CNR2: variants seen among roughly 807,000 people sequenced by gnomAD.
CNR2 encodes cannabinoid receptor 2 (macrophage).
For missense variants in CNR2, 379 were observed against 439.9 expected (o/e 0.86, Z 1.24); for synonymous variants, 172 against 182.2 (o/e 0.94, Z 0.45).
chr1:23,909,136 C>CCCT (rs1248641911), intron 1 of CNR2, among the ~76,000 whole-genome samples: 1 of 152,058 alleles, frequency 6.6e-6, no homozygotes, highest in East Asian at 1.9e-4. Flanking sequence ...AGCCTTCACT[C>CCCT]CCTCGCCTGC....
At chr1:23,900,389 G>A (rs115440671) in intron 1 of CNR2, among the ~76,000 whole-genome samples, 1,639 of 152,144 alleles carry the variant, frequency 0.011, 41 homozygotes, top group African/African-American at 0.038. Context: ...CAATTCTCCT[G>A]TCTTGATGAA....
chr1:23,906,269 C>T (rs558624568), intron 1 of CNR2, among the ~76,000 whole-genome samples: 3 of 152,138 alleles, frequency 2.0e-5, no homozygotes, highest in Admixed American at 6.6e-5. Flanking sequence ...GTGCAAATTA[C>T]GTCGTCTCCT....
chr1:23,884,068 T>G (rs980805114), intron 1 of CNR2, among the ~76,000 whole-genome samples: 1 of 106,512 alleles, frequency 9.4e-6, no homozygotes, highest in African/African-American at 3.5e-5. Context: ...TATAGACATC[T>G]TTATGTCTTT....
At chr1:23,901,611 T>G in intron 1 of CNR2, 1 of 1,603,558 alleles carries the variant, frequency 6.2e-7, no homozygotes, top group South Asian at 1.1e-5. Context: ...TAGCTGAGGT[T>G]GCTGCCGTCC....
intron 1 of CNR2, among the ~76,000 whole-genome samples, chr1:23,876,610 C>A (rs911691672): frequency 6.6e-6 from 1 of 151,634 alleles, no homozygotes; most frequent in African/African-American, 2.4e-5. Context: ...CTAAGGAAGG[C>A]GGATCATGAG....
chr1:23,899,243 C>T (rs959367818), intron 1 of CNR2, among the ~76,000 whole-genome samples: 1 of 152,090 alleles, frequency 6.6e-6, no homozygotes, highest in Non-Finnish European at 1.5e-5. Context: ...AATTCAGACT[C>T]ATATATCTGG....
intron 1 of CNR2, chr1:23,901,485 T>C (rs779006035): frequency 4.5e-6 from 7 of 1,563,136 alleles, no homozygotes; most frequent in Non-Finnish European, 6.1e-6. Flanking sequence ...GCATAGAAGA[T>C]GAGCTCAGGG....
At chr1:23,898,614 T>TA (rs35143021) in intron 1 of CNR2, among the ~76,000 whole-genome samples, 122,898 of 125,222 alleles carry the variant, frequency 0.98, 60,381 homozygotes, top group East Asian at 1. Context: ...GTGCTGGGAT[T>TA]CAGGCTTGAG....
In CNR2 at chr1:23,871,154, C is replaced by CAAAAAAAAAAAAAA. The variant is rs34781596; in HGVS notation, c.*3367_*3380dup. On this transcript the variant is annotated 3_prime_UTR_variant, in exon 2 of 2. Coordinates refer to ENST00000374472, the MANE Select transcript of CNR2 (RefSeq NM_001841.3). Reference sequence around the variant, plus strand: ...TGGGTGACAGAGTGAGATTCTATGTCAAAAAAAAAAAAAAAAAAAAAAAAA... The same window carrying CAAAAAAAAAAAAAA: ...TGGGTGACAGAGTGAGATTCTATGTCAAAAAAAAAAAAAAAAAAAAAAAAAAAAAAAAAAAAAAA... 2 of 58,770 alleles carry CAAAAAAAAAAAAAA rather than the reference C, an allele frequency of 3.4e-5. No individual in the cohort carries two copies. The highest frequency in any genetic ancestry group is 6.8e-5 in the African/African-American group (1 of 14,670). The allele number at this position is 58,770 out of a possible 1,614,324, so 3.6% of individuals were successfully genotyped here. A position where few individuals can be genotyped will look rare whatever the true frequency, so the allele number is the denominator to read the frequency against.
intron 1 of CNR2, among the ~76,000 whole-genome samples, chr1:23,877,362 A>G (rs773506475): frequency 3.3e-5 from 5 of 152,196 alleles, no homozygotes; most frequent in Non-Finnish European, 5.9e-5. Flanking sequence ...GTGGCCGGGC[A>G]CGGTGGCTCA....
In CNR2 at chr1:23,873,011, G is replaced by A. The variant is rs1639790057; in HGVS notation, c.*1524C>T. ...TGCACAGAGCCTGGCTCATGTTTAT[G>A]AGATGAATGAATAAGTGAATAGCTA... On this transcript the variant is annotated 3_prime_UTR_variant, in exon 2 of 2. Transcript: ENST00000374472. 1 of 152,180 alleles carries A rather than the reference G, an allele frequency of 6.6e-6. No homozygotes were observed. The highest frequency in any genetic ancestry group is 2.4e-5 in the African/African-American group (1 of 41,442). 9.4% of individuals were successfully genotyped at this position (152,180 alleles called of 1,614,324 possible).
chr1:23,910,805 G>A (rs1270539724), intron 1 of CNR2, among the ~76,000 whole-genome samples: 1 of 152,120 alleles, frequency 6.6e-6, no homozygotes, highest in East Asian at 1.9e-4. Flanking sequence ...TCAGAAAGGT[G>A]ATGTAACTTG....
At chr1:23,879,298 A>C (rs952156439) in intron 1 of CNR2, among the ~76,000 whole-genome samples, 1 of 152,132 alleles carries the variant, frequency 6.6e-6, no homozygotes, top group Non-Finnish European at 1.5e-5. Context: ...TGTTTCAAAA[A>C]ACAAAACAAA....
intron 1 of CNR2, among the ~76,000 whole-genome samples, chr1:23,889,962 A>C (rs1172520604): frequency 6.6e-6 from 1 of 152,072 alleles, no homozygotes; most frequent in Non-Finnish European, 1.5e-5. Flanking sequence ...TAATAGAGTT[A>C]GTTTATAGTG....
chr1:23,874,945 C>A lies in CNR2; in HGVS notation c.673G>T (p.Gly225Cys). 6.2e-7 allele frequency: 1 copy of A among 1,611,794 alleles called. No individual in the cohort carries two copies. The highest frequency in any genetic ancestry group is 1.1e-5 in the South Asian group (1 of 90,832). The stretch of plus-strand genomic sequence containing the variant: ...CCTGGCACCTGCCTGTCCTGGTGGC[C>A]AGACAAGCTGGCCACATGCTGATGG... ...KAHQHVASLS[G>C]HQDRQVPGMA... The change falls in exon 2 of 2, where the codon GGC becomes TGC. Residue 225 changes from glycine to cysteine, a missense_variant. Coordinates refer to ENST00000374472, the MANE Select transcript of CNR2 (RefSeq NM_001841.3).
chr1:23,910,929 C>T (rs574223401), intron 1 of CNR2, among the ~76,000 whole-genome samples: 5 of 152,128 alleles, frequency 3.3e-5, no homozygotes, highest in Non-Finnish European at 7.4e-5. Flanking sequence ...ACACTGGCTC[C>T]GCTATTCCTT....
intron 1 of CNR2, chr1:23,902,869 T>C (rs1206919605): frequency 2.2e-5 from 26 of 1,170,084 alleles, no homozygotes; most frequent in Non-Finnish European, 2.6e-5. Flanking sequence ...TGCTGTGGGC[T>C]AGGACCGCGG....
At chr1:23,899,385 C>A (rs956949600) in intron 1 of CNR2, among the ~76,000 whole-genome samples, 1 of 2,914 alleles carries the variant, frequency 3.4e-4, no homozygotes, top group Non-Finnish European at 2.5e-3. Context: ...TGTCCTTGTT[C>A]ATTCCTGGGC....
At chr1:23,905,295 C>T (rs966661323) in intron 1 of CNR2, among the ~76,000 whole-genome samples, 3 of 151,106 alleles carry the variant, frequency 2.0e-5, no homozygotes, top group Non-Finnish European at 4.4e-5. Flanking sequence ...ATTCTCTTGC[C>T]TCAGCTTCCC....
Sources: allele counts gnomAD v4.1 joint callset (sites outside exome capture counted in the v4.1 genomes callset), GRCh38; gene constraint gnomAD v4.1.1; transcripts MANE v1.5; gene names NCBI Gene and HGNC (gene_info 2026-07-23, HGNC 2026-07-21).